The following CASK variants were observed in gnomAD, a reference collection of about 807,000 sequenced individuals.
CASK encodes the protein calcium/calmodulin dependent serine protein kinase.
In CASK, 4 loss-of-function variants were observed where a neutral mutation model predicts 82.9. The ratio of observed to expected loss-of-function variants is 0.05; its 90% CI spans 0.02 to 0.11. CASK has a LOEUF of 0.11. CASK is among the 10% of genes least tolerant of loss of function. CASK has a pLI of 1.00. For missense variants in CASK, 358 were observed against 720.9 expected, an observed-to-expected ratio of 0.50 and a Z score of 5.76; for synonymous variants, 259 against 253.5, an observed-to-expected ratio of 1.02 and a Z score of -0.20.
intron 17 of CASK, 67 bp downstream of exon 17, chrX:41,561,492 T>C: frequency 1.4e-6 from 1 of 737,114 alleles, no homozygotes; most frequent in South Asian, 2.2e-5. Context: ...TCCTTATTTG[T>C]ATATTTAAAA....
chrX:41,814,046 C>T (rs1208154990), intron 2 of CASK, among the ~76,000 whole-genome samples: 1 of 112,002 alleles, frequency 8.9e-6, no homozygotes, highest in Non-Finnish European at 1.9e-5. Flanking sequence ...CAATGAGATA[C>T]CATCTCACAC....
chrX:41,834,176 C>G (rs2070884894), intron 2 of CASK, among the ~76,000 whole-genome samples: 1 of 112,191 alleles, frequency 8.9e-6, no homozygotes, highest in Non-Finnish European at 1.9e-5. Flanking sequence ...TTTCTCAACA[C>G]TGATGCCAAT....
intron 2 of CASK, among the ~76,000 whole-genome samples, chrX:41,812,584 C>A (rs1368267014): frequency 9.0e-6 from 1 of 111,222 alleles, no homozygotes; most frequent in South Asian, 3.9e-4. Context: ...ATTGATGGGA[C>A]GTATCTCAAA....
At chrX:41,890,240 A>C (rs62589235) in intron 1 of CASK, among the ~76,000 whole-genome samples, 1 of 103,305 alleles carries the variant, frequency 9.7e-6, no homozygotes, top group Non-Finnish European at 2.0e-5. Flanking sequence ...GTGTGTGTGT[A>C]TGTGTGTGTG....
chrX:41,625,424 C>G (rs1436225605), intron 10 of CASK, among the ~76,000 whole-genome samples: 3 of 110,757 alleles, frequency 2.7e-5, no homozygotes, highest in Non-Finnish European at 5.7e-5. Flanking sequence ...CTGACCTCAT[C>G]ATCTGCCCGC....
chrX:41,811,829 G>C (rs1305305903), intron 2 of CASK, among the ~76,000 whole-genome samples: 2 of 111,263 alleles, frequency 1.8e-5, no homozygotes, highest in African/African-American at 6.5e-5. Context: ...CAACAAAATT[G>C]ATACACTGCT....
chrX:41,867,423 C>T (rs1273340915), intron 1 of CASK, among the ~76,000 whole-genome samples: 3 of 112,201 alleles, frequency 2.7e-5, no homozygotes, highest in Non-Finnish European at 5.6e-5. Context: ...CTCTCTGATA[C>T]CTTGGGGGAG....
Position 41,626,594 on chromosome X carries a change from A to G in CASK, c.1015+10T>C. Reference sequence around the variant, plus strand: ...ACCCACACAGGTGAATAAGTGAATTATCCAATTACCTGAGGAGGTAGGGTC... The same window carrying G: ...ACCCACACAGGTGAATAAGTGAATTGTCCAATTACCTGAGGAGGTAGGGTC... On this transcript the variant is annotated intron_variant, in intron 10 of 26. Transcript: ENST00000378163. 1 of 1,075,176 alleles carries G rather than the reference A, an allele frequency of 9.3e-7. No individual in the cohort carries two copies. The highest frequency in any genetic ancestry group is 1.3e-6 in the Non-Finnish European group (1 of 770,973). The allele number at this position is 1,075,176 out of a possible 1,213,427, so 88.6% of individuals were successfully genotyped here. A position where few individuals can be genotyped will look rare whatever the true frequency, so the allele number is the denominator to read the frequency against.
chrX:41,896,545 C>CA (rs1385792504), intron 1 of CASK, among the ~76,000 whole-genome samples: 3 of 111,723 alleles, frequency 2.7e-5, no homozygotes, highest in African/African-American at 9.7e-5. Flanking sequence ...GAAGAGAGAA[C>CA]AAAAAAACCT....
At chrX:41,780,558 T>C (rs949911181) in intron 3 of CASK, among the ~76,000 whole-genome samples, 1 of 112,260 alleles carries the variant, frequency 8.9e-6, no homozygotes, top group Non-Finnish European at 1.9e-5. Flanking sequence ...CTTTTCCATA[T>C]CTAAAATTCT....
At chrX:41,851,810 G>T in intron 2 of CASK, among the ~76,000 whole-genome samples, 1 of 111,368 alleles carries the variant, frequency 9.0e-6, no homozygotes, top group Middle Eastern at 4.8e-3. Context: ...TTATAAACAG[G>T]ATCAGAACAT....
At chrX:41,760,540 C>T (rs373924425) in intron 3 of CASK, among the ~76,000 whole-genome samples, 9 of 111,105 alleles carry the variant, frequency 8.1e-5, no homozygotes, top group Non-Finnish European at 1.3e-4. Flanking sequence ...TTTTTAATTA[C>T]TGAAATCCTC....
At chrX:41,524,924 C>T (rs757691593) in intron 25 of CASK, among the ~76,000 whole-genome samples, 4 of 111,429 alleles carry the variant, frequency 3.6e-5, no homozygotes, top group African/African-American at 6.5e-5. Context: ...AATTCATATG[C>T]GCTGGGGTAA....
At chrX:41,907,891 G>C (rs2072496372) in intron 1 of CASK, among the ~76,000 whole-genome samples, 1 of 111,649 alleles carries the variant, frequency 9.0e-6, no homozygotes, top group African/African-American at 3.3e-5. Flanking sequence ...ATTCTCATAA[G>C]GAACATGCAA....
intron 16 of CASK, among the ~76,000 whole-genome samples, chrX:41,565,009 T>G (rs957563448): frequency 9.0e-6 from 1 of 111,628 alleles, no homozygotes; most frequent in Non-Finnish European, 1.9e-5. Context: ...AAATGAAGGC[T>G]GAAATAAAGA....
At chrX:41,642,104 C>T (rs1212872479) in intron 8 of CASK, among the ~76,000 whole-genome samples, 9 of 111,003 alleles carry the variant, frequency 8.1e-5, no homozygotes, top group African/African-American at 3.0e-4. Context: ...CATAGTATTC[C>T]ATGGTGTATA....
At position 41,828,320 on chromosome X, in the gene CASK, A is replaced by G. The variant is rs140326248; in HGVS notation, c.172+24795T>C. ...ACAGCATTGTTCTTAGTCTCGTGCAAGAGATGGGTATTTTCAAACGACATG... is the reference window on the plus strand; with the variant it reads ...ACAGCATTGTTCTTAGTCTCGTGCAGGAGATGGGTATTTTCAAACGACATG... On this transcript the variant is annotated intron_variant, in intron 2 of 26. Coordinates refer to ENST00000378163, the MANE Select transcript of CASK (RefSeq NM_001367721.1). Among the ~76,000 whole-genome samples the G allele has an allele frequency of 9.5e-4, 106 of 111,774 alleles. 1 individual carries two copies. The highest frequency in any genetic ancestry group is 3.4e-3 in the African/African-American group (104 of 30,767).
chrX:41,664,829 T>C (rs1221764092), intron 7 of CASK, among the ~76,000 whole-genome samples: 1 of 112,724 alleles, frequency 8.9e-6, no homozygotes, highest in Non-Finnish European at 1.9e-5. Context: ...CTGAAATGCC[T>C]CTATATTGTA....
chrX:41,765,823 G>GTTTGACTT (rs1469409627), intron 3 of CASK, among the ~76,000 whole-genome samples: 1 of 111,561 alleles, frequency 9.0e-6, no homozygotes, highest in Non-Finnish European at 1.9e-5. Context: ...CTATTCACAG[G>GTTTGACTT]TTTGACTTTG....
Sources: allele counts gnomAD v4.1 joint callset (sites outside exome capture counted in the v4.1 genomes callset), GRCh38; gene constraint gnomAD v4.1.1; transcripts MANE v1.5; gene names NCBI Gene and HGNC (gene_info 2026-07-23, HGNC 2026-07-21).